Variants in SLC18A1 observed in about 807,000 individuals in gnomAD.
SLC18A1 encodes chromaffin granule amine transporter.
A neutral mutation model predicts 53.7 loss-of-function variants in SLC18A1; 69 were observed. The ratio of observed to expected loss-of-function variants is 1.28; its 90% CI spans 1.06 to 1.57. The LOEUF (loss-of-function observed/expected upper bound fraction) is 1.57. SLC18A1 is among the 40% of genes most tolerant of loss of function. The probability of loss-of-function intolerance (pLI) is 0.00; values close to 1 mark genes in which losing one functional copy is unlikely to be tolerated. For missense variants in SLC18A1, 932 were observed against 668.1 expected (o/e 1.40, Z -4.35); for synonymous variants, 320 against 248.1 (o/e 1.29, Z -2.72).
rs111653104 is a variant in SLC18A1 at position 20,146,504 on chromosome 8, G to C, written c.1465-628C>G. Among the ~76,000 whole-genome samples, 8 of 152,190 alleles carry C rather than the reference G, an allele frequency of 5.3e-5. No homozygotes were observed. The South Asian group carries it at 1.7e-3, about 32-fold the overall frequency. ...TTTGTTCCCTTGAGCAGCCTCTGTC[G>C]GTATCCCAAACCCATCAGGCCCTCA... On this transcript the variant is annotated intron_variant, in intron 15 of 15. Coordinates refer to ENST00000276373, the MANE Select transcript of SLC18A1 (RefSeq NM_003053.4).
chr8:20,170,743 A>G (rs977320096), intron 8 of SLC18A1, among the ~76,000 whole-genome samples: 1 of 151,526 alleles, frequency 6.6e-6, no homozygotes, highest in Non-Finnish European at 1.5e-5. Flanking sequence ...TCCTAGCTAT[A>G]ATTACATGTG....
rs549502597 is a variant in SLC18A1 at position 20,147,186 on chromosome 8, A to G, written c.1464+72T>C. 46 of 1,510,334 alleles carry G rather than the reference A, an allele frequency of 3.0e-5. No individual in the cohort carries two copies. The African/African-American group carries it at 6.1e-4, about 20-fold the overall frequency. The allele number at this position is 1,510,334 out of a possible 1,614,324, so 93.6% of individuals were successfully genotyped here. Reference sequence around the variant, plus strand: ...TAGAGGGAGGAAATAACAGCCCAGGATGAAAGGGAATGAGAGAGATGATGG... The same window carrying G: ...TAGAGGGAGGAAATAACAGCCCAGGGTGAAAGGGAATGAGAGAGATGATGG... On this transcript the variant is annotated intron_variant, in intron 15 of 15. Coordinates refer to ENST00000276373, the MANE Select transcript of SLC18A1 (RefSeq NM_003053.4).
At chr8:20,172,466 A>T (rs1478404921) in intron 6 of SLC18A1, among the ~76,000 whole-genome samples, 1 of 152,198 alleles carries the variant, frequency 6.6e-6, no homozygotes, top group East Asian at 1.9e-4. Context: ...TGTGCTTGGC[A>T]TGTAATAAGT....
At chr8:20,162,951 A>G (rs1338128889) in intron 10 of SLC18A1, among the ~76,000 whole-genome samples, 1 of 152,196 alleles carries the variant, frequency 6.6e-6, no homozygotes, top group Non-Finnish European at 1.5e-5. Flanking sequence ...AGTATTTGTT[A>G]TAGCAGCAGC....
chr8:20,151,454 T>C (rs902561325), intron 10 of SLC18A1, among the ~76,000 whole-genome samples: 2 of 152,150 alleles, frequency 1.3e-5, no homozygotes, highest in Non-Finnish European at 2.9e-5. Context: ...TCCTGGGAAG[T>C]GAATTCCTGC....
chr8:20,146,045 A>G (rs1020501622), intron 15 of SLC18A1, among the ~76,000 whole-genome samples, 169 bp from the exon 16 acceptor site: 1 of 151,924 alleles, frequency 6.6e-6, no homozygotes, highest in Non-Finnish European at 1.5e-5. Flanking sequence ...CCTCCAGAGT[A>G]GCTGGAACTA....
At chr8:20,173,660 G>C (rs1290107234) in intron 5 of SLC18A1, among the ~76,000 whole-genome samples, 3 of 152,142 alleles carry the variant, frequency 2.0e-5, no homozygotes, top group Admixed American at 2.0e-4. Context: ...ATATTCACCA[G>C]TACTTTGAAA....
intron 8 of SLC18A1, 95 bp from the exon 9 acceptor site, chr8:20,165,202 G>A: frequency 8.1e-6 from 9 of 1,113,878 alleles, no homozygotes; most frequent in Non-Finnish European, 1.2e-5. Context: ...TGGGCTTAGA[G>A]ACCATCTACA....
rs1316309096 is a variant in SLC18A1, at chr8:20,150,655, A to C, written c.1094+11T>G. The C allele has an allele frequency of 6.2e-7, 1 of 1,612,516 alleles. No individual in the cohort carries two copies. The highest frequency in any genetic ancestry group is 8.5e-7 in the Non-Finnish European group (1 of 1,178,556). ...TTTCTACTGTTCGTCCCAGATCCCG[A>C]GGCTACATACCGACCCATCTTGTTG... On this transcript the variant is annotated intron_variant, in intron 11 of 15. Transcript: ENST00000276373.
intron 10 of SLC18A1, among the ~76,000 whole-genome samples, chr8:20,158,558 G>C (rs969204405): frequency 3.9e-5 from 6 of 152,038 alleles, no homozygotes; most frequent in Non-Finnish European, 8.8e-5. Flanking sequence ...CCTACCAAAG[G>C]CAGTACCCCC....
intron 3 of SLC18A1, 131 bp from the exon 4 acceptor site, chr8:20,178,624 A>AGTGTGGAGATGAAATAGGGC (rs761965645): frequency 6.6e-5 from 45 of 681,100 alleles, no homozygotes; most frequent in Admixed American, 1.1e-4. Flanking sequence ...CTCTGAATGT[A>AGTGTGGAGATGAAATAGGGC]GTGTGGAGAT....
chr8:20,147,762 CAGTT>C, intron 13 of SLC18A1, 40 bp from the exon 14 acceptor site: 1 of 1,597,606 alleles, frequency 6.3e-7, no homozygotes, highest in Non-Finnish European at 8.5e-7. Context: ...GCCCCACCCA[CAGTT>C]AGTACCACCC....
At chr8:20,168,202 G>C (rs966807575) in intron 8 of SLC18A1, among the ~76,000 whole-genome samples, 1 of 151,836 alleles carries the variant, frequency 6.6e-6, no homozygotes, top group Non-Finnish European at 1.5e-5. Flanking sequence ...AGGCAGACCC[G>C]GTCTCTATAA....
chr8:20,147,646 G>C lies in SLC18A1; in HGVS notation c.1287C>G (p.Val429=). The C allele has an allele frequency of 6.2e-7, 1 of 1,614,130 alleles. No homozygotes were observed. The highest frequency in any genetic ancestry group is 8.5e-7 in the Non-Finnish European group (1 of 1,180,006). Residue 429 remains valine, a synonymous_variant, in exon 14 of 16, where the codon GTC becomes GTG. Transcript: ENST00000276373. ...DLRHTSVYGS[V]YAIADVAFCM... ...AAAAAGCCACATCAGCGATGGCGTA[G>C]ACACTCCCATACACCGAGGTGTGGC...
Position 20,179,277 on chromosome 8 carries a change from G to C in SLC18A1, c.332C>G (p.Pro111Arg). 6.2e-7 allele frequency: 1 copy of C among 1,614,214 alleles called. No individual in the cohort carries two copies. Among genetic ancestry groups the C allele is most frequent in the Non-Finnish European group, 8.5e-7 (1 of 1,180,052 alleles). Residue 111 changes from proline (P) to arginine (R), a missense_variant, in exon 3 of 16, where the codon CCA becomes CGA. Transcript: ENST00000276373. ...AWMNDTASTI[P>R]PPATEAISAH... Reference sequence around the variant, plus strand: ...TGAGATGGCTTCAGTGGCTGGAGGTGGGATGGTGCTGGCAGTGTCATTCAT... The same window carrying C: ...TGAGATGGCTTCAGTGGCTGGAGGTCGGATGGTGCTGGCAGTGTCATTCAT...
intron 8 of SLC18A1, among the ~76,000 whole-genome samples, chr8:20,169,658 C>T (rs748013514): frequency 5.3e-5 from 8 of 152,182 alleles, no homozygotes; most frequent in African/African-American, 4.8e-5. Context: ...GCGGATGGAT[C>T]ACTTGAGCTC....
At chr8:20,181,902 G>A (rs888813203) in intron 1 of SLC18A1, 1 of 152,138 alleles carries the variant, frequency 6.6e-6, no homozygotes, top group African/African-American at 2.4e-5. Flanking sequence ...CTAGAAGCAC[G>A]CTCATTCTTT....
At chr8:20,150,304 T>G (rs922691317) in intron 11 of SLC18A1, among the ~76,000 whole-genome samples, 2 of 152,190 alleles carry the variant, frequency 1.3e-5, no homozygotes, top group Non-Finnish European at 2.9e-5. Flanking sequence ...ATAGAACTCC[T>G]TAGGATTCCA....
At chr8:20,164,344 A>G (rs1482829974) in intron 10 of SLC18A1, among the ~76,000 whole-genome samples, 3 of 152,102 alleles carry the variant, frequency 2.0e-5, no homozygotes, top group African/African-American at 7.2e-5. Context: ...ACCCCTTTTT[A>G]GAGGTAAAAA....
Sources: gnomAD v4.1 joint callset for allele counts (sites outside exome capture counted in the v4.1 genomes callset) on GRCh38, gnomAD v4.1.1 for gene constraint, MANE v1.5 for transcripts, NCBI Gene and HGNC (gene_info 2026-07-23, HGNC 2026-07-21) for gene names.